Variants in RPS6KA2 observed in about 807,000 individuals in gnomAD.
RPS6KA2 encodes ribosomal protein S6 kinase A2, also known as ribosomal protein S6 kinase alpha-2.
A neutral mutation model predicts 91.8 loss-of-function variants in RPS6KA2; 42 were observed. The ratio of observed to expected loss-of-function variants is 0.46; its 90% CI spans 0.36 to 0.59. The LOEUF is 0.59. Among genes scored for constraint, RPS6KA2 ranks in the 20% least tolerant of loss-of-function variants. The pLI is 0.00. For synonymous variants in RPS6KA2, 414 were observed against 393.6 expected, an observed-to-expected ratio of 1.05 and a Z score of -0.61; for missense variants, 798 against 978.5, an observed-to-expected ratio of 0.82 and a Z score of 2.46.
Position 166,498,665 on chromosome 6 carries a change from A to AGC in RPS6KA2, c.605-17_605-16dup, listed in dbSNP as rs781469062. 6.2e-7 allele frequency: 1 copy of AGC among 1,613,442 alleles called. No individual in the cohort carries two copies. Among genetic ancestry groups the AGC allele is most frequent in the South Asian group, 1.1e-5 (1 of 91,012 alleles). On this transcript the variant is annotated splice_polypyrimidine_tract_variant and intron_variant, in intron 7 of 20. Transcript: ENST00000265678. ...CAGGCCGAAATCTACATGCAAACAC[A>AGC]GCACACACACTGCCTCAGTCTCTGG...
chr6:166,841,617 C>A (rs952525941), intron 2 of RPS6KA2, among the ~76,000 whole-genome samples: 41 of 152,252 alleles, frequency 2.7e-4, no homozygotes, highest in African/African-American at 9.6e-4. Flanking sequence ...GTGCTGCACC[C>A]AGCCTCCAGA....
At chr6:166,833,897 CTTTTTT>C (rs537535434) in intron 2 of RPS6KA2, among the ~76,000 whole-genome samples, 2 of 150,524 alleles carry the variant, frequency 1.3e-5, no homozygotes, top group African/African-American at 2.4e-5. Context: ...TTCTTTCTTT[CTTTTTT>C]TTTCTTTTTT....
chr6:166,790,995 C>T (rs375186982), intron 2 of RPS6KA2, among the ~76,000 whole-genome samples: 5 of 152,120 alleles, frequency 3.3e-5, no homozygotes, highest in Middle Eastern at 3.4e-3. Context: ...AATGACAGGA[C>T]CAAATTCACA....
chr6:166,841,673 G>C (rs1780482310), intron 2 of RPS6KA2, among the ~76,000 whole-genome samples: 1 of 152,262 alleles, frequency 6.6e-6, no homozygotes, highest in African/African-American at 2.4e-5. Context: ...AAAGGACCTA[G>C]TGATTGCACT....
intron 2 of RPS6KA2, among the ~76,000 whole-genome samples, chr6:166,824,287 C>G (rs769917321): frequency 6.6e-6 from 1 of 152,138 alleles, no homozygotes; most frequent in South Asian, 2.1e-4. Flanking sequence ...GTGGTATGGA[C>G]CAACCAGTAC....
intron 2 of RPS6KA2, among the ~76,000 whole-genome samples, chr6:166,778,226 C>G (rs1276062682): frequency 6.6e-6 from 1 of 152,210 alleles, no homozygotes; most frequent in African/African-American, 2.4e-5. Flanking sequence ...CTGTGTGGGG[C>G]TCACGAAAGG....
chr6:166,714,882 T>C (rs1789968278), intron 2 of RPS6KA2, among the ~76,000 whole-genome samples: 1 of 152,216 alleles, frequency 6.6e-6, no homozygotes, highest in Admixed American at 6.5e-5. Context: ...GAAATGCAAG[T>C]TGGCTTTGGC....
rs563157380 is a variant in RPS6KA2, at chr6:166,548,691, T to A, written c.100-9907A>T. 9.2e-5 allele frequency among the ~76,000 whole-genome samples: 14 copies of A among 152,196 alleles called. No homozygotes were observed. In the South Asian group the frequency reaches 2.9e-3, roughly 32 times the overall value. Reference sequence around the variant, plus strand: ...CTCTTATACAATAATTAACTGAAAATGGATCACAGACATAAATATAAAACA... The same window carrying A: ...CTCTTATACAATAATTAACTGAAAAAGGATCACAGACATAAATATAAAACA... On this transcript the variant is annotated intron_variant, in intron 1 of 20. Coordinates refer to ENST00000265678, the MANE Select transcript of RPS6KA2 (RefSeq NM_021135.6).
intron 2 of RPS6KA2, among the ~76,000 whole-genome samples, chr6:166,745,520 T>A (rs548995046): frequency 2.2e-4 from 34 of 152,268 alleles, no homozygotes; most frequent in Middle Eastern, 3.4e-3. Context: ...CCATTTTACC[T>A]TCATCACCTC....
intron 11 of RPS6KA2, among the ~76,000 whole-genome samples, chr6:166,468,009 A>G (rs1371109192): frequency 6.6e-6 from 1 of 152,282 alleles, no homozygotes; most frequent in Non-Finnish European, 1.5e-5. Context: ...AGGGGCAGGC[A>G]TCTGGGTTCC....
intron 14 of RPS6KA2, 69 bp from the exon 15 acceptor site, chr6:166,432,559 C>A (rs1435613926): frequency 1.1e-6 from 1 of 951,102 alleles, no homozygotes; most frequent in East Asian, 2.5e-5. Flanking sequence ...TGCTGGTGGA[C>A]CATTGAGTTT....
intron 2 of RPS6KA2, among the ~76,000 whole-genome samples, chr6:166,632,872 C>G (rs1787122644): frequency 6.6e-6 from 1 of 152,120 alleles, no homozygotes; most frequent in African/African-American, 2.4e-5. Flanking sequence ...CAGAGGCACA[C>G]TGAGCGGTGT....
In RPS6KA2 at chr6:166,433,616, C is replaced by T. The variant is rs1779207003; in HGVS notation, c.1333-1126G>A. Among the ~76,000 whole-genome samples, 1 of 152,202 alleles carries T rather than the reference C, an allele frequency of 6.6e-6. No homozygotes were observed. The highest frequency in any genetic ancestry group is 6.5e-5 in the Admixed American group (1 of 15,284). On this transcript the variant is annotated intron_variant, in intron 14 of 20. Coordinates refer to ENST00000265678, the MANE Select transcript of RPS6KA2 (RefSeq NM_021135.6). The surrounding 1 kb of genome is among the most constrained non-coding windows in gnomAD (Gnocchi z 4.4). ...CTTCCTAACCATGATTTGTACTATT[C>T]TCACATTAGTTCAACCTAATTTTAA... is the stretch of plus-strand genomic sequence containing the variant.
At chr6:166,503,613 G>C (rs1226968555) in intron 6 of RPS6KA2, among the ~76,000 whole-genome samples, 2 of 152,180 alleles carry the variant, frequency 1.3e-5, no homozygotes, top group Non-Finnish European at 2.9e-5. Flanking sequence ...TGGGTGGGTG[G>C]CATTAATCGG....
chr6:166,690,332 T>G (rs1420712859), intron 2 of RPS6KA2, among the ~76,000 whole-genome samples: 4 of 152,034 alleles, frequency 2.6e-5, no homozygotes, highest in Non-Finnish European at 5.9e-5. Context: ...CCATCAGGGC[T>G]AAACTGGTCT....
chr6:166,546,605 T>C (rs960425667), intron 1 of RPS6KA2, among the ~76,000 whole-genome samples: 1 of 151,912 alleles, frequency 6.6e-6, no homozygotes, highest in Admixed American at 6.6e-5. Flanking sequence ...AACTACATCA[T>C]CAGTATAACC....
At position 166,569,505 on chromosome 6, in the gene RPS6KA2, C is replaced by CACT. The variant is rs573236903; in HGVS notation, c.100-30722_100-30721insAGT. On this transcript the variant is annotated intron_variant, in intron 1 of 20. Transcript: ENST00000265678. ...GCCTGTCATCGGATGCCTCTGCCCT[C>CACT]GCTGGGTCCCTGCTGGGGCCGCCCT... is the stretch of plus-strand genomic sequence containing the variant. 3.1e-3 allele frequency among the ~76,000 whole-genome samples: 465 copies of CACT among 152,334 alleles called. 2 individuals carry two copies. Among genetic ancestry groups the CACT allele is most frequent in the African/African-American group, 7.8e-3 (323 of 41,568 alleles).
At chr6:166,642,782 G>C (rs1056591770) in intron 2 of RPS6KA2, among the ~76,000 whole-genome samples, 2 of 152,176 alleles carry the variant, frequency 1.3e-5, no homozygotes, top group African/African-American at 4.8e-5. Flanking sequence ...TGTTGGGAAG[G>C]GCCACCGCCA....
At chr6:166,638,256 C>T (rs1459622050) in intron 2 of RPS6KA2, among the ~76,000 whole-genome samples, 1 of 152,256 alleles carries the variant, frequency 6.6e-6, no homozygotes, top group Non-Finnish European at 1.5e-5. Flanking sequence ...TCCACAAGAC[C>T]GCTGAAGTCA....
Sources: gnomAD v4.1 joint callset for allele counts (sites outside exome capture counted in the v4.1 genomes callset) on GRCh38, gnomAD v4.1.1 for gene constraint, Gnocchi (gnomAD v3.1) non-coding constraint, MANE v1.5 for transcripts, NCBI Gene and HGNC (gene_info 2026-07-23, HGNC 2026-07-21) for gene names.